Variants in ARHGAP35 observed in about 807,000 individuals in gnomAD.
The protein encoded by ARHGAP35 is Rho GTPase activating protein 35.
ARHGAP35 carries 15 observed loss-of-function variants against 111.1 expected under a neutral mutation model. That is an observed-to-expected ratio of 0.13 (90% CI 0.09 to 0.21). The LOEUF is 0.21. Among genes scored for constraint, ARHGAP35 ranks in the 10% least tolerant of loss-of-function variants. The probability of loss-of-function intolerance (pLI) is 1.00; values close to 1 mark genes in which losing one functional copy is unlikely to be tolerated. For synonymous variants in ARHGAP35, 643 were observed against 710.3 expected, an observed-to-expected ratio of 0.91 and a Z score of 1.51; for missense variants, 1,262 against 1,873.0, an observed-to-expected ratio of 0.67 and a Z score of 6.02.
chr19:46,871,384 C>T (rs2122121614), intron 1 of ARHGAP35, among the ~76,000 whole-genome samples: 1 of 152,154 alleles, frequency 6.6e-6, no homozygotes, highest in East Asian at 1.9e-4. Flanking sequence ...GCTCTGTCAC[C>T]CAGGCTAGAG....
At chr19:46,887,186 A>ATT (rs2055996943) in intron 1 of ARHGAP35, among the ~76,000 whole-genome samples, 3 of 151,956 alleles carry the variant, frequency 2.0e-5, no homozygotes, top group Non-Finnish European at 4.4e-5. Flanking sequence ...TTACCTTCTC[A>ATT]GTGGGTTGGT....
At chr19:46,949,623 T>C (rs549176329) in intron 3 of ARHGAP35, among the ~76,000 whole-genome samples, 6 of 152,318 alleles carry the variant, frequency 3.9e-5, no homozygotes, top group African/African-American at 1.4e-4. Flanking sequence ...GTGAAACCCA[T>C]GAAACTTGGA....
chr19:46,909,572 C>G lies in ARHGAP35; in HGVS notation c.-188-8916C>G, dbSNP rs560249416. 2.0e-5 allele frequency among the ~76,000 whole-genome samples: 3 copies of G among 152,258 alleles called. No individual in the cohort carries two copies. The East Asian group carries it at 5.8e-4, about 29-fold the overall frequency. On this transcript the variant is annotated intron_variant, in intron 1 of 6. Coordinates refer to ENST00000672722, the MANE Select transcript of ARHGAP35 (RefSeq NM_004491.5). ...CCAGATGACCCATTTCAGAGACTGC[C>G]TGTACCCAGAGCCCTAGGGACATAG...
intron 5 of ARHGAP35, among the ~76,000 whole-genome samples, chr19:46,990,321 T>C (rs765120745): frequency 6.6e-6 from 1 of 152,232 alleles, no homozygotes; most frequent in Non-Finnish European, 1.5e-5. Context: ...CCAGCCTGCC[T>C]CTCTGTAGAG....
At chr19:46,959,859 G>C (rs968799159) in intron 3 of ARHGAP35, among the ~76,000 whole-genome samples, 3 of 152,010 alleles carry the variant, frequency 2.0e-5, no homozygotes, top group African/African-American at 7.2e-5. Context: ...ATGCTGGGAG[G>C]CAGAGGGGCT....
intron 1 of ARHGAP35, among the ~76,000 whole-genome samples, chr19:46,894,709 A>G (rs993575619): frequency 6.6e-6 from 1 of 152,088 alleles, no homozygotes; most frequent in Admixed American, 6.5e-5. Context: ...GCCTCCCAAA[A>G]TGCTGGGATT....
intron 3 of ARHGAP35, among the ~76,000 whole-genome samples, chr19:46,974,124 A>G (rs2122300528): frequency 6.6e-6 from 1 of 152,318 alleles, no homozygotes; most frequent in Non-Finnish European, 1.5e-5. Context: ...CTTCCCAAGT[A>G]GCTGGGACTA....
At chr19:46,888,837 CAAAAAAAAAAAAA>C (rs769595005) in intron 1 of ARHGAP35, among the ~76,000 whole-genome samples, 1 of 57,368 alleles carries the variant, frequency 1.7e-5, no homozygotes, top group Non-Finnish European at 4.3e-5. Context: ...ACTAAAAATA[CAAAAAAAAAAAAA>C]AAAAAAAAAT....
At chr19:46,871,486 G>C (rs2055887083) in intron 1 of ARHGAP35, among the ~76,000 whole-genome samples, 1 of 152,030 alleles carries the variant, frequency 6.6e-6, no homozygotes, top group Admixed American at 6.6e-5. Flanking sequence ...GAGATTACAG[G>C]TGCGTGCCAC....
intron 3 of ARHGAP35, among the ~76,000 whole-genome samples, chr19:46,971,720 A>G (rs1241522025): frequency 6.6e-6 from 1 of 151,852 alleles, no homozygotes; most frequent in Non-Finnish European, 1.5e-5. Flanking sequence ...GGCTGGTCTC[A>G]AACTCCTGAC....
In ARHGAP35 at chr19:46,918,574, C is replaced by A; in HGVS notation, c.-102C>A. On this transcript the variant is annotated 5_prime_UTR_variant, in exon 2 of 7. Transcript: ENST00000672722. This position sits in a 1 kb window ranked among gnomAD's most constrained non-coding sequence, Gnocchi z 5.4. ...ACTATGGGACCTGGCATTTTTGCTG[C>A]ATGTCCAGCCCACCCCCACTAATAA... 1 of 1,203,204 alleles carries A rather than the reference C, an allele frequency of 8.3e-7. No individual in the cohort carries two copies. The highest frequency in any genetic ancestry group is 1.2e-6 in the Non-Finnish European group (1 of 844,212). 74.5% of individuals were successfully genotyped at this position (1,203,204 alleles called of 1,614,324 possible). A position where few individuals can be genotyped will look rare whatever the true frequency, so the allele number is the denominator to read the frequency against.
At chr19:46,962,793 T>C (rs2056492204) in intron 3 of ARHGAP35, among the ~76,000 whole-genome samples, 1 of 152,156 alleles carries the variant, frequency 6.6e-6, no homozygotes, top group Admixed American at 6.5e-5. Context: ...TTTGTATTTT[T>C]AGTAGAGATG....
chr19:46,969,455 T>C (rs927644229), intron 3 of ARHGAP35, among the ~76,000 whole-genome samples: 1 of 152,206 alleles, frequency 6.6e-6, no homozygotes, highest in African/African-American at 2.4e-5. Flanking sequence ...CAAAGCTTCC[T>C]CACTGCCTGG....
chr19:46,923,259 C>T (rs1303590161), intron 2 of ARHGAP35, among the ~76,000 whole-genome samples: 2 of 152,136 alleles, frequency 1.3e-5, no homozygotes, highest in African/African-American at 2.4e-5. Flanking sequence ...CGCCCGCCAC[C>T]GTGCCCAGCT....
intron 1 of ARHGAP35, among the ~76,000 whole-genome samples, chr19:46,868,403 T>G (rs2055869787): frequency 6.6e-6 from 1 of 152,238 alleles, no homozygotes; most frequent in Non-Finnish European, 1.5e-5. Context: ...GGGAAGTAAA[T>G]GTTGAATAGA....
intron 1 of ARHGAP35, among the ~76,000 whole-genome samples, chr19:46,894,445 G>GTT (rs35723876): frequency 1.9e-4 from 21 of 108,088 alleles, no homozygotes; most frequent in South Asian, 2.8e-4. Flanking sequence ...CTGTTTTTTG[G>GTT]TTTTTTTTTT....
intron 3 of ARHGAP35, among the ~76,000 whole-genome samples, chr19:46,938,662 ATT>A (rs113282154): frequency 4.3e-5 from 5 of 115,004 alleles, no homozygotes; most frequent in Admixed American, 9.2e-5. Flanking sequence ...CGAAGATAGC[ATT>A]TTTTTTTTTT....
At chr19:46,909,942 C>A (rs891144387) in intron 1 of ARHGAP35, among the ~76,000 whole-genome samples, 1 of 151,936 alleles carries the variant, frequency 6.6e-6, no homozygotes, top group Admixed American at 6.6e-5. Context: ...CCACCACACC[C>A]AGCTCAATGT....
chr19:46,980,545 T>A (rs2056615465), intron 3 of ARHGAP35, among the ~76,000 whole-genome samples: 1 of 152,170 alleles, frequency 6.6e-6, no homozygotes, highest in Admixed American at 6.5e-5. Context: ...ACCAAGGTCA[T>A]TTTGGTGTCA....
Sources: allele counts gnomAD v4.1 joint callset (sites outside exome capture counted in the v4.1 genomes callset), GRCh38; gene constraint gnomAD v4.1.1; non-coding constraint Gnocchi (gnomAD v3.1); transcripts MANE v1.5; gene names NCBI Gene and HGNC (gene_info 2026-07-23, HGNC 2026-07-21).